NTRK2: variants seen among roughly 807,000 people sequenced by gnomAD.
NTRK2 encodes neurotrophic receptor tyrosine kinase 2.
Under a neutral mutation model 94.5 loss-of-function variants are expected in NTRK2, and 13 were observed. The ratio of observed to expected loss-of-function variants is 0.14; its 90% CI spans 0.09 to 0.22. The LOEUF is 0.22. NTRK2 is among the 10% of genes least tolerant of loss of function. The pLI is 1.00. For missense variants in NTRK2, 639 were observed against 1,071.2 expected, an observed-to-expected ratio of 0.60 and a Z score of 5.63; for synonymous variants, 372 against 407.4, an observed-to-expected ratio of 0.91 and a Z score of 1.05.
intron 17 of NTRK2, among the ~76,000 whole-genome samples, chr9:84,990,159 T>C (rs1252744666): frequency 3.9e-5 from 3 of 76,864 alleles, no homozygotes; most frequent in Non-Finnish European, 3.2e-5. Flanking sequence ...TCCAATAGTC[T>C]CTCAAAGGCC....
At chr9:84,677,668 G>C (rs1031553443) in intron 2 of NTRK2, among the ~76,000 whole-genome samples, 3 of 152,102 alleles carry the variant, frequency 2.0e-5, no homozygotes, top group Admixed American at 6.5e-5. Context: ...CTCATTTAGG[G>C]CTCTGTCTAC....
intron 12 of NTRK2, among the ~76,000 whole-genome samples, chr9:84,842,831 C>G (rs1440066171): frequency 1.3e-5 from 2 of 152,176 alleles, no homozygotes; most frequent in Non-Finnish European, 2.9e-5. Flanking sequence ...AATGCAAAGG[C>G]CTTAGAAGAC....
chr9:84,940,131 A>T (rs986951175), intron 15 of NTRK2, among the ~76,000 whole-genome samples: 13 of 152,124 alleles, frequency 8.5e-5, no homozygotes, highest in Non-Finnish European at 1.5e-5. Context: ...GTTGGGGTCC[A>T]CTCTACCCAA....
intron 14 of NTRK2, among the ~76,000 whole-genome samples, chr9:84,931,727 A>C (rs1232631507): frequency 1.3e-5 from 2 of 151,738 alleles, no homozygotes; most frequent in Non-Finnish European, 2.9e-5. Flanking sequence ...AAAAAAAAAA[A>C]AAACAAAAAA....
intron 12 of NTRK2, among the ~76,000 whole-genome samples, chr9:84,853,560 A>G (rs930155245): frequency 1.3e-5 from 2 of 152,200 alleles, no homozygotes; most frequent in African/African-American, 2.4e-5. Flanking sequence ...TTTTCATTAC[A>G]TTTGCTATAT....
intron 12 of NTRK2, among the ~76,000 whole-genome samples, chr9:84,769,225 A>G (rs900634831): frequency 2.0e-5 from 3 of 152,214 alleles, no homozygotes; most frequent in African/African-American, 7.2e-5. Context: ...AAGGCAGTGT[A>G]TGGAACTACT....
intron 14 of NTRK2, among the ~76,000 whole-genome samples, chr9:84,879,764 G>T (rs2076199137): frequency 6.6e-6 from 1 of 152,166 alleles, no homozygotes; most frequent in African/African-American, 2.4e-5. Context: ...TCAGCAAGAG[G>T]AATTGTAGTG....
At chr9:84,879,520 A>C (rs1306099573) in intron 14 of NTRK2, among the ~76,000 whole-genome samples, 46 of 152,144 alleles carry the variant, frequency 3.0e-4, no homozygotes, top group Admixed American at 3.0e-3. Context: ...GCCAGGCCCC[A>C]TGGATTGTAT....
At position 85,025,161 on chromosome 9, in the gene NTRK2, A is replaced by C. The variant is rs1318944833; in HGVS notation, c.*3724A>C. 1 of 233,116 alleles carries C rather than the reference A, an allele frequency of 4.3e-6. No homozygotes were observed. The highest frequency in any genetic ancestry group is 2.2e-5 in the African/African-American group (1 of 45,350). 14.4% of individuals were successfully genotyped at this position (233,116 alleles called of 1,614,324 possible). On this transcript the variant is annotated 3_prime_UTR_variant, in exon 19 of 19. Coordinates refer to ENST00000277120, the MANE Select transcript of NTRK2 (RefSeq NM_006180.6). ...CTGTGCAGTACTGCATGGGTGGAAGACATATTTAAGATAATGTGCTTCCCA... is the reference window on the plus strand; with the variant it reads ...CTGTGCAGTACTGCATGGGTGGAAGCCATATTTAAGATAATGTGCTTCCCA...
chr9:84,876,935 C>G (rs201429024), intron 14 of NTRK2: 139 of 1,060,794 alleles, frequency 1.3e-4, no homozygotes, highest in Non-Finnish European at 1.5e-4. Context: ...TGAATTCTAC[C>G]TAGATTTTTA....
chr9:84,934,120 A>T (rs1445112364), intron 14 of NTRK2, 42 bp from the exon 15 acceptor site: 1 of 1,612,538 alleles, frequency 6.2e-7, no homozygotes, highest in Admixed American at 1.7e-5. Context: ...CTTCACCTCC[A>T]CATGCTTCAA....
intron 12 of NTRK2, among the ~76,000 whole-genome samples, chr9:84,850,432 A>T (rs1422382027): frequency 1.3e-5 from 2 of 152,246 alleles, no homozygotes; most frequent in African/African-American, 4.8e-5. Context: ...TAATAGTTTA[A>T]CTGGAATCTT....
At chr9:84,782,142 C>A (rs1369228905) in intron 12 of NTRK2, among the ~76,000 whole-genome samples, 2 of 152,004 alleles carry the variant, frequency 1.3e-5, no homozygotes, top group Non-Finnish European at 2.9e-5. Flanking sequence ...TCACCAATGA[C>A]AACTTTATGT....
At chr9:84,743,341 A>G (rs926830597) in intron 10 of NTRK2, among the ~76,000 whole-genome samples, 4 of 152,040 alleles carry the variant, frequency 2.6e-5, no homozygotes, top group African/African-American at 9.7e-5. Context: ...TTTTATATTT[A>G]TATATATTGA....
rs138879059 is a variant in NTRK2 at position 85,020,286 on chromosome 9, C to A, written c.2253C>A (p.Asp751Glu). Reference sequence around the variant, plus strand: ...ACAGGAAATTCACGACGGAAAGCGACGTCTGGAGCCTGGGGGTCGTGTTGT... The same window carrying A: ...ACAGGAAATTCACGACGGAAAGCGAAGTCTGGAGCCTGGGGGTCGTGTTGT... ...IMYRKFTTES[D>E]VWSLGVVLWE... Residue 751 changes from aspartate to glutamate, a missense_variant, in exon 18 of 19, where the codon GAC (aspartate) becomes GAA (glutamate). Asp to Glu is a conservative substitution (Grantham distance 45). Transcript: ENST00000277120. The A allele has an allele frequency of 6.2e-7, 1 of 1,614,102 alleles. No individual in the cohort carries two copies. Among genetic ancestry groups the A allele is most frequent in the Non-Finnish European group, 8.5e-7 (1 of 1,180,004 alleles).
Position 84,821,761 on chromosome 9 carries a change from C to G in NTRK2, c.1397-39279C>G, listed in dbSNP as rs116748925. ...TATTTTGCTGTGAATTATAAAATAA[C>G]CAGCCTGAAGGTTTCCTTATAATAT... On this transcript the variant is annotated intron_variant, in intron 12 of 18. Transcript: ENST00000277120. 3.0e-3 allele frequency among the ~76,000 whole-genome samples: 452 copies of G among 149,606 alleles called. 3 individuals are homozygous for G. The highest frequency in any genetic ancestry group is 0.011 in the African/African-American group (432 of 40,486).
At position 84,815,601 on chromosome 9, in the gene NTRK2, A is replaced by T. The variant is rs939060519; in HGVS notation, c.1397-45439A>T. 12 of 1,003,402 alleles carry T rather than the reference A, an allele frequency of 1.2e-5. No individual in the cohort carries two copies. In the South Asian group the frequency reaches 4.2e-4, roughly 36 times the overall value. The allele number at this position is 1,003,402 out of a possible 1,614,324, so 62.2% of individuals were successfully genotyped here. A position where few individuals can be genotyped will look rare whatever the true frequency, so the allele number is the denominator to read the frequency against. On this transcript the variant is annotated intron_variant, in intron 12 of 18. Transcript: ENST00000277120. ...TCTGTAAATAATGGATAATCATTTTAAAAATTTTTATTTTTAGTGCTGTTT... is the reference window on the plus strand; with the variant it reads ...TCTGTAAATAATGGATAATCATTTTTAAAATTTTTATTTTTAGTGCTGTTT...
chr9:84,890,842 G>A lies in NTRK2; in HGVS notation c.1633+23411G>A, dbSNP rs545676665. The stretch of plus-strand genomic sequence containing the variant: ...ATCTTCTTGTGAATTATAAGGAAAT[G>A]CTTCTCAGTCATCTTCATTGAAGTA... On this transcript the variant is annotated intron_variant, in intron 14 of 18. Coordinates refer to ENST00000277120, the MANE Select transcript of NTRK2 (RefSeq NM_006180.6). 2.6e-5 allele frequency among the ~76,000 whole-genome samples: 4 copies of A among 152,328 alleles called. No individual in the cohort carries two copies. The East Asian group carries it at 7.7e-4, about 29-fold the overall frequency.
chr9:84,929,613 G>A (rs1255157467), intron 14 of NTRK2, among the ~76,000 whole-genome samples: 1 of 151,200 alleles, frequency 6.6e-6, no homozygotes, highest in African/African-American at 2.4e-5. Context: ...CCAGGCTGGA[G>A]TGCAGTGGCA....
Sources: gnomAD v4.1 joint callset for allele counts (sites outside exome capture counted in the v4.1 genomes callset) on GRCh38, gnomAD v4.1.1 for gene constraint, MANE v1.5 for transcripts, NCBI Gene and HGNC (gene_info 2026-07-23, HGNC 2026-07-21) for gene names.